Variants in GOLT1A observed in about 807,000 individuals in gnomAD.
GOLT1A encodes the protein golgi transport 1A, also known as vesicle transport protein GOT1A.
Under a neutral mutation model 16.1 loss-of-function variants are expected in GOLT1A, and 10 were observed. That is an observed-to-expected ratio of 0.62 (90% CI 0.38 to 1.05). The LOEUF (loss-of-function observed/expected upper bound fraction) is 1.05. Among genes scored for constraint, GOLT1A ranks in the 50% least tolerant of loss-of-function variants. The probability of loss-of-function intolerance (pLI) is 0.01; values close to 1 mark genes in which losing one functional copy is unlikely to be tolerated. For synonymous variants in GOLT1A, 60 were observed against 67.9 expected (o/e 0.88, Z 0.57); for missense variants, 137 against 165.7 (o/e 0.83, Z 0.95).
chr1:204,202,691 G>A (rs1173030271), intron 2 of GOLT1A, among the ~76,000 whole-genome samples: 3 of 152,036 alleles, frequency 2.0e-5, no homozygotes, highest in Admixed American at 6.5e-5. Context: ...CGGGCTCTGC[G>A]TCCATTTCCT....
At position 204,201,621 on chromosome 1, in the gene GOLT1A, A is replaced by G; in HGVS notation, c.296+12T>C. On this transcript the variant is annotated intron_variant, in intron 3 of 4. Coordinates refer to ENST00000308302, the MANE Select transcript of GOLT1A (RefSeq NM_198447.2). ...GGTGGGTCTGTCCAGGGTTATAGGG[A>G]TTTGCACTCACTTAAAGAGGCTGAA... is the stretch of plus-strand genomic sequence containing the variant. 1 of 1,613,764 alleles carries G rather than the reference A, an allele frequency of 6.2e-7. No individual in the cohort carries two copies. The highest frequency in any genetic ancestry group is 1.3e-5 in the African/African-American group (1 of 75,006).
chr1:204,209,856 G>A (rs1041549212), intron 1 of GOLT1A, among the ~76,000 whole-genome samples: 1 of 152,110 alleles, frequency 6.6e-6, no homozygotes, highest in Non-Finnish European at 1.5e-5. Flanking sequence ...TCAGGAGTTC[G>A]AGACCAGCCT....
intron 1 of GOLT1A, among the ~76,000 whole-genome samples, chr1:204,212,096 AC>A (rs1659145915): frequency 6.6e-6 from 1 of 151,898 alleles, no homozygotes; most frequent in Non-Finnish European, 1.5e-5. Flanking sequence ...CTGACATCTC[AC>A]CCGGATGTCT....
At chr1:204,206,076 A>C (rs924971589) in intron 1 of GOLT1A, among the ~76,000 whole-genome samples, 1 of 152,218 alleles carries the variant, frequency 6.6e-6, no homozygotes, top group Admixed American at 6.5e-5. Context: ...ATCTCAAAAA[A>C]AAAGAAAACA....
chr1:204,198,181 A>G lies in GOLT1A; in HGVS notation c.*277T>C. The stretch of plus-strand genomic sequence containing the variant: ...CCTTAGACACACGCACAACTTGGGA[A>G]TTTAATCTTCACTTTTCCTCCCATA... On this transcript the variant is annotated 3_prime_UTR_variant, in exon 5 of 5. Coordinates refer to ENST00000308302, the MANE Select transcript of GOLT1A (RefSeq NM_198447.2). The G allele has an allele frequency of 2.4e-6, 1 of 417,254 alleles. No homozygotes were observed. The highest frequency in any genetic ancestry group is 3.2e-5 in the South Asian group (1 of 31,128). 25.8% of individuals were successfully genotyped at this position (417,254 alleles called of 1,614,324 possible). A position where few individuals can be genotyped will look rare whatever the true frequency, so the allele number is the denominator to read the frequency against.
At chr1:204,202,208 T>G (rs554002850) in intron 2 of GOLT1A, among the ~76,000 whole-genome samples, 4 of 151,636 alleles carry the variant, frequency 2.6e-5, no homozygotes, top group African/African-American at 9.7e-5. Flanking sequence ...CACAGAACCT[T>G]CAGAGGCTCC....
rs1431601531 is a variant in GOLT1A, at chr1:204,202,911, G to C, written c.102C>G (p.Leu34=). Residue 34 remains leucine, a synonymous_variant, in exon 2 of 5, where the codon CTC becomes CTG. Transcript: ENST00000308302. ...FGTLLYFDSV[L]LAFGNLLFLT... is the part of the protein sequence containing the mutation. ...GGAGACTCACGTTTCCAAAGGCCAG[G>C]AGCACGGAATCAAAGTACAGGAGTG... is the stretch of plus-strand genomic sequence containing the variant. The C allele has an allele frequency of 6.2e-7, 1 of 1,614,046 alleles. No individual in the cohort carries two copies. The highest frequency in any genetic ancestry group is 2.2e-5 in the East Asian group (1 of 44,884).
chr1:204,203,302 G>A (rs1049091318), intron 1 of GOLT1A, among the ~76,000 whole-genome samples: 10 of 152,168 alleles, frequency 6.6e-5, no homozygotes, highest in Non-Finnish European at 1.5e-4. Context: ...GTCCTCAAAA[G>A]CCACATTATC....
At chr1:204,201,288 A>C (rs1333789444) in intron 3 of GOLT1A, among the ~76,000 whole-genome samples, 1 of 152,232 alleles carries the variant, frequency 6.6e-6, no homozygotes, top group Non-Finnish European at 1.5e-5. Flanking sequence ...GTGATAAAAT[A>C]AGATGATGAT....
intron 1 of GOLT1A, among the ~76,000 whole-genome samples, chr1:204,210,128 C>T (rs1659116770): frequency 6.6e-6 from 1 of 152,220 alleles, no homozygotes; most frequent in Non-Finnish European, 1.5e-5. Flanking sequence ...TCCACTTCTG[C>T]AGGCAATGCT....
rs577202352 is a variant in GOLT1A at position 204,206,944 on chromosome 1, C to T, written c.26-3957G>A. 2.0e-5 allele frequency among the ~76,000 whole-genome samples: 3 copies of T among 152,344 alleles called. No individual in the cohort carries two copies. The East Asian group carries it at 5.8e-4, about 29-fold the overall frequency. On this transcript the variant is annotated intron_variant, in intron 1 of 4. Transcript: ENST00000308302. ...AGGGCAGATGCAATTCCAGGACTCT[C>T]CTGTGATGGGGGCAGCCTTCTTTAT...
At chr1:204,201,932 G>A (rs1658970333) in intron 2 of GOLT1A, 121 bp from the exon 3 acceptor site, 1 of 835,370 alleles carries the variant, frequency 1.2e-6, no homozygotes, top group Non-Finnish European at 1.9e-6. Context: ...GACCATCTGA[G>A]CGAGGGCCAT....
In GOLT1A at chr1:204,198,366, T is replaced by A; in HGVS notation, c.*92A>T. On this transcript the variant is annotated 3_prime_UTR_variant, in exon 5 of 5. Transcript: ENST00000308302. The stretch of plus-strand genomic sequence containing the variant: ...GGGGAGGTCCGGATATGTCGGGGAG[T>A]GAGTCAGTGCAGGGGACTGAGGGGG... 1.7e-6 allele frequency: 2 copies of A among 1,154,016 alleles called. No homozygotes were observed. Among genetic ancestry groups the A allele is most frequent in the South Asian group, 2.6e-5 (2 of 77,810 alleles). 71.5% of individuals were successfully genotyped at this position (1,154,016 alleles called of 1,614,324 possible). A position where few individuals can be genotyped will look rare whatever the true frequency, so the allele number is the denominator to read the frequency against.
At position 204,202,890 on chromosome 1, in the gene GOLT1A, A is replaced by G; in HGVS notation, c.117+6T>C. On this transcript the variant is annotated splice_donor_region_variant and intron_variant, in intron 2 of 4. Coordinates refer to ENST00000308302, the MANE Select transcript of GOLT1A (RefSeq NM_198447.2). The stretch of plus-strand genomic sequence containing the variant: ...GGGAGTGGGGACACAGGGCTGGGAG[A>G]CTCACGTTTCCAAAGGCCAGGAGCA... The G allele has an allele frequency of 6.2e-7, 1 of 1,610,308 alleles. No homozygotes were observed. The highest frequency in any genetic ancestry group is 8.5e-7 in the Non-Finnish European group (1 of 1,176,718).
intron 1 of GOLT1A, among the ~76,000 whole-genome samples, chr1:204,213,047 G>C (rs897907836): frequency 1.3e-5 from 2 of 152,106 alleles, no homozygotes; most frequent in African/African-American, 4.8e-5. Flanking sequence ...CCTTCTCAGT[G>C]AGGCTTCCCT....
chr1:204,211,651 G>A lies in GOLT1A; in HGVS notation c.25+2231C>T, dbSNP rs781191375. Among the ~76,000 whole-genome samples the A allele has an allele frequency of 3.0e-4, 46 of 152,262 alleles. 1 individual carries two copies. Among genetic ancestry groups the A allele is most frequent in the Admixed American group, 1.6e-3 (24 of 15,298 alleles). ...CTAATTGGTTTAACAAAGTGTCAGCGTGCCACTGGGTTGAGGACCCAACCC... is the reference window on the plus strand; with the variant it reads ...CTAATTGGTTTAACAAAGTGTCAGCATGCCACTGGGTTGAGGACCCAACCC... On this transcript the variant is annotated intron_variant, in intron 1 of 4. Transcript: ENST00000308302.
chr1:204,206,387 A>G (rs1032703834), intron 1 of GOLT1A, among the ~76,000 whole-genome samples: 3 of 152,232 alleles, frequency 2.0e-5, no homozygotes, highest in Non-Finnish European at 4.4e-5. Flanking sequence ...GCTCAGCAGA[A>G]TATCACCCCC....
chr1:204,210,769 G>A (rs1010560317), intron 1 of GOLT1A, among the ~76,000 whole-genome samples: 6 of 152,090 alleles, frequency 3.9e-5, no homozygotes, highest in African/African-American at 1.2e-4. Flanking sequence ...TGACACTGAT[G>A]TCTCTCTTTC....
chr1:204,208,444 G>GTGTATATA (rs1235467482), intron 1 of GOLT1A, among the ~76,000 whole-genome samples: 2 of 72,968 alleles, frequency 2.7e-5, no homozygotes, highest in East Asian at 5.4e-4. Context: ...ATACATATGT[G>GTGTATATA]TGTATATATG....
Sources: allele counts gnomAD v4.1 joint callset (sites outside exome capture counted in the v4.1 genomes callset), GRCh38; gene constraint gnomAD v4.1.1; transcripts MANE v1.5; gene names NCBI Gene and HGNC (gene_info 2026-07-23, HGNC 2026-07-21).